The following ACOT1 variants were observed in gnomAD, a reference collection of about 807,000 sequenced individuals.
The protein encoded by ACOT1 is acyl-coenzyme A thioesterase 1.
A neutral mutation model predicts 15.7 loss-of-function variants in ACOT1; 8 were observed. The observed-to-expected ratio is 0.51, with a 90% CI of 0.30 to 0.92. The LOEUF (loss-of-function observed/expected upper bound fraction) is 0.92, where lower values mean the gene tolerates loss of function less well. Ranked by LOEUF, ACOT1 falls within the 40% of genes least tolerant of loss-of-function variation. The probability of loss-of-function intolerance (pLI) is 0.06; values close to 1 mark genes in which losing one functional copy is unlikely to be tolerated. For missense variants in ACOT1, 151 were observed against 539.4 expected, an observed-to-expected ratio of 0.28 and a Z score of 7.13; for synonymous variants, 67 against 241.2, an observed-to-expected ratio of 0.28 and a Z score of 6.69.
the ACOT1 span, chr14:73,506,509 C>T: frequency 1.9e-6 from 3 of 1,613,674 alleles, no homozygotes; most frequent in African/African-American, 2.7e-5. Flanking sequence ...CCTGGCAGGC[C>T]ACAATCCGGT....
At chr14:73,508,742 AC>A in the ACOT1 span, among the ~76,000 whole-genome samples, 1 of 113,556 alleles carries the variant, frequency 8.8e-6, no homozygotes, top group East Asian at 2.7e-4. Flanking sequence ...CGAGAGTGAA[AC>A]TCTGTCTCAA....
At chr14:73,518,766 G>A in the ACOT1 span, among the ~76,000 whole-genome samples, 1 of 152,234 alleles carries the variant, frequency 6.6e-6, no homozygotes, top group Admixed American at 6.5e-5. Flanking sequence ...GTAACTAGTG[G>A]CCCTAAACCA....
At chr14:73,491,093 A>G in the ACOT1 span, 22 of 1,600,746 alleles carry the variant, frequency 1.4e-5, 1 homozygote, top group Middle Eastern at 1.7e-4. Context: ...CCAGCCACAC[A>G]GCGGGTCGGT....
chr14:73,503,660 A>T, the ACOT1 span, among the ~76,000 whole-genome samples: 2 of 151,496 alleles, frequency 1.3e-5, no homozygotes, highest in Non-Finnish European at 3.0e-5. Flanking sequence ...TAAAATAAAA[A>T]CATCTCCTTA....
chr14:73,510,441 TG>T, the ACOT1 span, among the ~76,000 whole-genome samples: 1 of 139,644 alleles, frequency 7.2e-6, no homozygotes, highest in African/African-American at 2.8e-5. Context: ...TTTTTGTTTT[TG>T]TTTTTTTTTT....
chr14:73,509,371 T>A, the ACOT1 span: 11 of 1,614,086 alleles, frequency 6.8e-6, no homozygotes, highest in South Asian at 9.9e-5. Flanking sequence ...CTGTATGGCA[T>A]ATTGGCATAT....
At chr14:73,534,878 C>T (rs1333311391), upstream of ACOT1, among the ~76,000 whole-genome samples, 4 of 106,920 alleles carry the variant, frequency 3.7e-5, 1 homozygote, top group African/African-American at 1.2e-4. Flanking sequence ...CTCCTGGGCT[C>T]AAGCAATCTC....
At chr14:73,526,328 G>T in the ACOT1 span, among the ~76,000 whole-genome samples, 1 of 152,216 alleles carries the variant, frequency 6.6e-6, no homozygotes, top group East Asian at 1.9e-4. Context: ...GACCAAAGTG[G>T]CCTGGGGCCC....
At chr14:73,534,276 G>C (rs1189401373), upstream of ACOT1, among the ~76,000 whole-genome samples, 1 of 109,734 alleles carries the variant, frequency 9.1e-6, no homozygotes, top group Non-Finnish European at 2.0e-5. Context: ...CTACTCAAGA[G>C]GCTGAGGCAG....
At chr14:73,493,268 G>T in the ACOT1 span, 1 of 643,722 alleles carries the variant, frequency 1.6e-6, no homozygotes, top group Non-Finnish European at 2.7e-6. Flanking sequence ...ACAGATATTA[G>T]ATTTTTTTTG....
In ACOT1 at chr14:73,537,596, G is replaced by A; in HGVS notation, c.175G>A (p.Glu59Lys). The stretch of plus-strand genomic sequence containing the variant: ...GCGCTACCGCGCCGACACCCTTGGC[G>A]AGCTGGACCTGGAGCGCGCGCCCGC... ...HARYRADTLG[E>K]LDLERAPALG... The change falls in exon 1 of 3, where the codon GAG (glutamate) becomes AAG (lysine). Residue 59 changes from glutamate (E) to lysine (K), a missense_variant. By Grantham distance (56) the Glu-to-Lys change is moderately conservative (BLOSUM62 1). Transcript: ENST00000311148. 1 of 1,222,796 alleles carries A rather than the reference G, an allele frequency of 8.2e-7. No homozygotes were observed. The highest frequency in any genetic ancestry group is 1.1e-6 in the Non-Finnish European group (1 of 929,980). The allele number at this position is 1,222,796 out of a possible 1,614,324, so 75.7% of individuals were successfully genotyped here.
chr14:73,521,027 G>A, the ACOT1 span: 3 of 1,613,540 alleles, frequency 1.9e-6, no homozygotes, highest in Admixed American at 5.0e-5. Flanking sequence ...CTTGTTGGAA[G>A]TAACTGGGCA....
chr14:73,503,952 A>G, the ACOT1 span, among the ~76,000 whole-genome samples: 3 of 152,180 alleles, frequency 2.0e-5, no homozygotes, highest in African/African-American at 7.2e-5. Context: ...TTTTACTTTC[A>G]GTTGTCAATT....
chr14:73,499,355 C>A, the ACOT1 span, among the ~76,000 whole-genome samples: 1,021 of 152,268 alleles, frequency 6.7e-3, 21 homozygotes, highest in East Asian at 0.039. Context: ...GTGTCACACG[C>A]CTGTAATCCC....
At chr14:73,500,520 G>T in the ACOT1 span, 1 of 1,603,288 alleles carries the variant, frequency 6.2e-7, no homozygotes, top group South Asian at 1.1e-5. Flanking sequence ...GGTCAATCAG[G>T]TAAGATGAGA....
the ACOT1 span, chr14:73,522,641 T>C: frequency 2.5e-6 from 4 of 1,614,216 alleles, no homozygotes; most frequent in Non-Finnish European, 2.5e-6. Flanking sequence ...CATATCTGGA[T>C]GCATGCAGGG....
chr14:73,518,416 A>G, the ACOT1 span, among the ~76,000 whole-genome samples: 2 of 152,142 alleles, frequency 1.3e-5, no homozygotes, highest in Admixed American at 6.5e-5. Flanking sequence ...AAAAAAGAAA[A>G]AAAAAAAAAA....
Position 73,537,634 on chromosome 14 carries a change from C to A in ACOT1, c.213C>A (p.Ser71Arg). Residue 71 changes from serine (S) to arginine (R), a missense_variant, in exon 1 of 3, where the codon AGC (serine) becomes AGA (arginine). By Grantham distance (110) the Ser-to-Arg change is moderately radical. Transcript: ENST00000311148. ...DLERAPALGG[S>R]FAGLEPMGLL... ...AGCGCGCGCCCGCGCTGGGCGGCAG[C>A]TTCGCGGGGCTTGAGCCCATGGGGC... The A allele has an allele frequency of 8.2e-7, 1 of 1,224,770 alleles. No individual in the cohort carries two copies. The allele number at this position is 1,224,770 out of a possible 1,614,324, so 75.9% of individuals were successfully genotyped here. A position where few individuals can be genotyped will look rare whatever the true frequency, so the allele number is the denominator to read the frequency against.
chr14:73,506,397 A>G, the ACOT1 span: 1 of 1,092,022 alleles, frequency 9.2e-7, no homozygotes, highest in East Asian at 2.4e-5. Context: ...CATAGCAGCA[A>G]AAAGTAGAAG....
Sources: gnomAD v4.1 joint callset for allele counts (sites outside exome capture counted in the v4.1 genomes callset) on GRCh38, gnomAD v4.1.1 for gene constraint, MANE v1.5 for transcripts, NCBI Gene and HGNC (gene_info 2026-07-23, HGNC 2026-07-21) for gene names.